Variants in DAB1 observed in about 807,000 individuals in gnomAD.
The protein encoded by DAB1 is disabled homolog 1.
A neutral mutation model predicts 64.6 loss-of-function variants in DAB1; 15 were observed. The observed-to-expected ratio is 0.23, with a 90% CI of 0.16 to 0.36. The LOEUF is 0.36. Among genes scored for constraint, DAB1 ranks in the 10% least tolerant of loss-of-function variants. DAB1 has a pLI of 1.00. For synonymous variants in DAB1, 235 were observed against 251.9 expected, an observed-to-expected ratio of 0.93 and a Z score of 0.64; for missense variants, 596 against 706.7, an observed-to-expected ratio of 0.84 and a Z score of 1.78.
At chr1:57,522,800 A>C (rs1344623979) in intron 7 of DAB1, among the ~76,000 whole-genome samples, 1 of 152,226 alleles carries the variant, frequency 6.6e-6, no homozygotes, top group African/African-American at 2.4e-5. Flanking sequence ...CTGCCAGTGA[A>C]GCTAGAATAA....
intron 7 of DAB1, among the ~76,000 whole-genome samples, chr1:57,615,195 T>C (rs1645777896): frequency 6.6e-6 from 1 of 152,230 alleles, no homozygotes; most frequent in Admixed American, 6.5e-5. Context: ...AGTAAGAGAA[T>C]ATTCTTCCAG....
intron 7 of DAB1, among the ~76,000 whole-genome samples, chr1:57,442,333 T>C (rs1026778954): frequency 6.6e-6 from 1 of 152,206 alleles, no homozygotes; most frequent in African/African-American, 2.4e-5. Flanking sequence ...TGGATATGGA[T>C]TTCTCTCTTT....
At chr1:57,934,063 T>TTGTGTCTG (rs1644990303) in intron 5 of DAB1, among the ~76,000 whole-genome samples, 1 of 128,052 alleles carries the variant, frequency 7.8e-6, no homozygotes, top group African/African-American at 3.0e-5. Flanking sequence ...GCCCAGCTAA[T>TTGTGTCTG]TGTGTGTGTG....
intron 2 of DAB1, among the ~76,000 whole-genome samples, chr1:57,220,296 G>T (rs1666759223): frequency 6.6e-6 from 1 of 152,158 alleles, no homozygotes; most frequent in Non-Finnish European, 1.5e-5. Flanking sequence ...CCCATAGAGA[G>T]TATGCTCTGA....
intron 7 of DAB1, among the ~76,000 whole-genome samples, chr1:57,590,310 T>TTTTA (rs58148255): frequency 0.023 from 3,516 of 151,160 alleles, 147 homozygotes; most frequent in African/African-American, 0.074. Context: ...TTTTCTTTTC[T>TTTTA]TTTATTTATT....
At chr1:57,215,379 CA>C (rs1666347465) in intron 2 of DAB1, among the ~76,000 whole-genome samples, 1 of 152,180 alleles carries the variant, frequency 6.6e-6, no homozygotes, top group South Asian at 2.1e-4. Flanking sequence ...GCATTCAGAA[CA>C]TGGGAGAAGA....
chr1:58,335,470 A>G (rs961060549), intron 4 of DAB1, among the ~76,000 whole-genome samples: 1 of 152,144 alleles, frequency 6.6e-6, no homozygotes, highest in African/African-American at 2.4e-5. Flanking sequence ...TGTAGACTGG[A>G]GCAAGGCAAG....
At chr1:57,819,098 C>T (rs748818629) in intron 6 of DAB1, among the ~76,000 whole-genome samples, 8 of 152,162 alleles carry the variant, frequency 5.3e-5, no homozygotes, top group Non-Finnish European at 1.2e-4. Context: ...GACTATATGA[C>T]TGATGGATGT....
At chr1:58,333,353 G>GA (rs2100497053) in intron 4 of DAB1, among the ~76,000 whole-genome samples, 1 of 151,644 alleles carries the variant, frequency 6.6e-6, no homozygotes, top group African/African-American at 2.4e-5. Context: ...ACAGTTCCCA[G>GA]AAAAAAGGAA....
chr1:57,899,513 G>A lies in DAB1; in HGVS notation n.388-15351C>T, dbSNP rs557006690. ...GAATTTTAACAGAATAAAGGTCAAA[G>A]CAGTTGAAGATATCTTAGGTATCAC... On this transcript the variant is annotated intron_variant and non_coding_transcript_variant, in intron 5 of 20. Transcript: ENST00000485760. Among the ~76,000 whole-genome samples the A allele has an allele frequency of 9.2e-5, 14 of 152,228 alleles. No homozygotes were observed. In the South Asian group the frequency reaches 2.9e-3, roughly 32 times the overall value.
intron 4 of DAB1, among the ~76,000 whole-genome samples, chr1:57,089,259 C>A (rs1188576243): frequency 5.9e-5 from 9 of 152,208 alleles, no homozygotes; most frequent in Admixed American, 5.2e-4. Context: ...GTACAATATA[C>A]CCCCTTACCT....
chr1:57,790,340 T>C (rs767167025), intron 6 of DAB1, among the ~76,000 whole-genome samples: 1 of 152,164 alleles, frequency 6.6e-6, no homozygotes, highest in Admixed American at 6.5e-5. Flanking sequence ...TACTTCTCCT[T>C]GTTGCTGCCA....
intron 4 of DAB1, 21 bp from the exon 5 acceptor site, chr1:57,072,435 A>G (rs1651571088): frequency 1.2e-6 from 2 of 1,609,768 alleles, no homozygotes; most frequent in African/African-American, 2.7e-5. Flanking sequence ...AAAAAAAGGA[A>G]GAACATATTT....
At chr1:58,358,560 T>A (rs886688173) in intron 3 of DAB1, among the ~76,000 whole-genome samples, 7 of 152,106 alleles carry the variant, frequency 4.6e-5, no homozygotes, top group Non-Finnish European at 1.0e-4. Context: ...CTAAATTGCA[T>A]CTTGCTTACT....
At chr1:57,435,140 C>G (rs1202022750) in intron 7 of DAB1, among the ~76,000 whole-genome samples, 1 of 150,560 alleles carries the variant, frequency 6.6e-6, no homozygotes, top group African/African-American at 2.4e-5. Context: ...CCTCTGTCTC[C>G]CAGGTTCAAG....
At chr1:57,564,626 C>T (rs1645094992) in intron 7 of DAB1, among the ~76,000 whole-genome samples, 1 of 152,160 alleles carries the variant, frequency 6.6e-6, no homozygotes. Context: ...ACGAGAACTA[C>T]CTGAAGCATG....
chr1:57,254,769 T>TA (rs987647643), intron 2 of DAB1, among the ~76,000 whole-genome samples: 9 of 151,534 alleles, frequency 5.9e-5, no homozygotes, highest in East Asian at 1.9e-4. Flanking sequence ...ATGCTTAATA[T>TA]AAAAAAAAGG....
At chr1:57,587,476 AAT>A (rs891179678) in intron 7 of DAB1, among the ~76,000 whole-genome samples, 1 of 152,142 alleles carries the variant, frequency 6.6e-6, no homozygotes, top group Non-Finnish European at 1.5e-5. Flanking sequence ...AAGATTGTAT[AAT>A]GTTATTTTCC....
At chr1:58,219,039 G>T (rs1035261555) in intron 4 of DAB1, among the ~76,000 whole-genome samples, 3 of 137,378 alleles carry the variant, frequency 2.2e-5, no homozygotes, top group Non-Finnish European at 4.7e-5. Context: ...GTGTGTGTGT[G>T]TGTGTTTCAA....
Sources: gnomAD v4.1 joint callset for allele counts (sites outside exome capture counted in the v4.1 genomes callset) on GRCh38, gnomAD v4.1.1 for gene constraint, MANE v1.5 for transcripts, NCBI Gene and HGNC (gene_info 2026-07-23, HGNC 2026-07-21) for gene names.